The following CSMD1 variants were observed in gnomAD, a reference collection of about 807,000 sequenced individuals.
CSMD1 encodes the protein CUB and Sushi multiple domains 1.
Under a neutral mutation model 417.5 loss-of-function variants are expected in CSMD1, and 213 were observed. That is an observed-to-expected ratio of 0.51 (90% CI 0.46 to 0.57). The LOEUF is 0.57. Ranked by LOEUF, CSMD1 falls within the 20% of genes least tolerant of loss-of-function variation. The pLI, the probability that CSMD1 is intolerant of heterozygous loss-of-function variation, is 0.00. For synonymous variants in CSMD1, 2,862 were observed against 1,736.8 expected (o/e 1.65, Z -16.11); for missense variants, 6,923 against 4,529.7 (o/e 1.53, Z -15.17).
chr8:3,880,041 G>A (rs906577488), intron 5 of CSMD1, among the ~76,000 whole-genome samples: 4 of 146,210 alleles, frequency 2.7e-5, no homozygotes, highest in Admixed American at 2.7e-4. Flanking sequence ...AATCCTCGAA[G>A]ATTATAAAAG....
intron 1 of CSMD1, among the ~76,000 whole-genome samples, chr8:4,739,352 C>T (rs1307134649): frequency 1.3e-5 from 2 of 152,220 alleles, no homozygotes; most frequent in East Asian, 1.9e-4. Context: ...TTTTACCTTA[C>T]TGTAAACTTC....
chr8:3,819,584 G>A (rs576254744), intron 5 of CSMD1, among the ~76,000 whole-genome samples: 4 of 150,116 alleles, frequency 2.7e-5, no homozygotes, highest in African/African-American at 9.9e-5. Flanking sequence ...ACGCCAACAT[G>A]CGTAACATAT....
intron 2 of CSMD1, among the ~76,000 whole-genome samples, chr8:4,591,522 C>A (rs939857550): frequency 6.6e-6 from 1 of 152,080 alleles, no homozygotes; most frequent in Admixed American, 6.6e-5. Flanking sequence ...TGTGGTATAG[C>A]GTGATTACAG....
At chr8:3,225,868 T>A (rs897117534) in intron 27 of CSMD1, among the ~76,000 whole-genome samples, 15 of 152,168 alleles carry the variant, frequency 9.9e-5, no homozygotes, top group African/African-American at 3.6e-4. Context: ...TTAGATAGGA[T>A]TAGAATAGTA....
In CSMD1 at chr8:3,853,725, G is replaced by T. The variant is rs943280526; in HGVS notation, c.819-99683C>A. ...CTCAGTAAAGAAACCACCTCGGGGT[G>T]GGGGGAGCAGGGAAGGACAGCATTA... On this transcript the variant is annotated intron_variant, in intron 5 of 69. Transcript: ENST00000635120. 5.9e-5 allele frequency among the ~76,000 whole-genome samples: 9 copies of T among 151,810 alleles called. No homozygotes were observed. The South Asian group carries it at 6.2e-4, about 10-fold the overall frequency.
At chr8:4,362,159 T>C (rs1202686159) in intron 3 of CSMD1, among the ~76,000 whole-genome samples, 4 of 152,172 alleles carry the variant, frequency 2.6e-5, no homozygotes, top group Admixed American at 6.5e-5. Flanking sequence ...GGTAATTCAA[T>C]TTACATGAGT....
At chr8:3,875,022 G>C (rs978295603) in intron 5 of CSMD1, among the ~76,000 whole-genome samples, 2 of 152,166 alleles carry the variant, frequency 1.3e-5, no homozygotes, top group Admixed American at 6.5e-5. Context: ...ATGGATGCAA[G>C]CACAAAGGCT....
intron 26 of CSMD1, among the ~76,000 whole-genome samples, chr8:3,273,523 G>A (rs1398399386): frequency 6.6e-6 from 1 of 152,152 alleles, no homozygotes; most frequent in East Asian, 1.9e-4. Context: ...ATTCCTCCTT[G>A]TACCTCTGGT....
chr8:3,466,123 C>G (rs1226780355), intron 12 of CSMD1, among the ~76,000 whole-genome samples: 1 of 151,928 alleles, frequency 6.6e-6, no homozygotes, highest in Admixed American at 6.6e-5. Context: ...TTCTTAAGTT[C>G]TTACTCCATG....
Position 3,753,991 on chromosome 8 carries a change from T to A in CSMD1, c.870A>T (p.Leu290=). 1 of 1,613,414 alleles carries A rather than the reference T, an allele frequency of 6.2e-7. No individual in the cohort carries two copies. Among genetic ancestry groups the A allele is most frequent in the Non-Finnish European group, 8.5e-7 (1 of 1,179,560 alleles). Residue 290 remains leucine, a synonymous_variant, in exon 6 of 70, where the codon CTA becomes CTT. Transcript: ENST00000635120. ...TGCTGTCAGAGGTGAAATGGAGTCG[T>A]AGCCAATTCTTGCTACTGATAACTG... The part of the protein sequence containing the change: ...PSPVISSKNW[L]RLHFTSDSNH...
chr8:4,084,614 C>G (rs1382312282), intron 3 of CSMD1, among the ~76,000 whole-genome samples: 1 of 152,074 alleles, frequency 6.6e-6, no homozygotes, highest in African/African-American at 2.4e-5. Context: ...GAAAGCGAGC[C>G]TTCCAGAGTT....
At chr8:3,106,764 T>C in intron 45 of CSMD1, 123 bp from the exon 46 acceptor site, 3 of 541,936 alleles carry the variant, frequency 5.5e-6, no homozygotes, top group Middle Eastern at 2.8e-4. Context: ...AGAAACTATG[T>C]CTGTATTTAT....
rs369967487 is a variant in CSMD1 at position 2,966,682 on chromosome 8, C to T, written c.8988G>A (p.Leu2996=). 3 of 1,613,702 alleles carry T rather than the reference C, an allele frequency of 1.9e-6. No homozygotes were observed. Among genetic ancestry groups the T allele is most frequent in the African/African-American group, 2.7e-5 (2 of 74,906 alleles). Residue 2996 remains leucine (L), a synonymous_variant, in exon 58 of 70, where the codon CTG becomes CTA. Coordinates refer to ENST00000635120, the MANE Select transcript of CSMD1 (RefSeq NM_033225.6). Reference sequence around the variant, plus strand: ...AGGCATAGATGACCGAGCTGGAGAACAGAATGCCATCACTACTGACAATCA... The same window carrying T: ...AGGCATAGATGACCGAGCTGGAGAATAGAATGCCATCACTACTGACAATCA... The part of the protein sequence containing the change: ...NGMIVSSDGI[L]FSSSVIYACW...
At chr8:3,300,958 C>CAAAAAAAAAAAAAAAA (rs374180480) in intron 25 of CSMD1, among the ~76,000 whole-genome samples, 1 of 50,602 alleles carries the variant, frequency 2.0e-5, no homozygotes, top group Non-Finnish European at 3.6e-5. Flanking sequence ...GACTCTGTCT[C>CAAAAAAAAAAAAAAAA]AAAAAAAAAA....
chr8:3,972,672 C>G (rs1212264289), intron 5 of CSMD1, among the ~76,000 whole-genome samples: 1 of 152,146 alleles, frequency 6.6e-6, no homozygotes, highest in Non-Finnish European at 1.5e-5. Flanking sequence ...CAGATTATGA[C>G]CAGTGTTAGC....
intron 29 of CSMD1, among the ~76,000 whole-genome samples, chr8:3,217,374 C>A (rs886816725): frequency 6.6e-6 from 1 of 152,246 alleles, no homozygotes; most frequent in Non-Finnish European, 1.5e-5. Context: ...TTTCTTCATG[C>A]AACCTGTAAG....
chr8:3,263,203 A>G (rs1801204087), intron 26 of CSMD1, among the ~76,000 whole-genome samples: 1 of 152,124 alleles, frequency 6.6e-6, no homozygotes, highest in African/African-American at 2.4e-5. Context: ...GGTTCAAGCG[A>G]TTCTCCTGCC....
chr8:4,093,060 C>G (rs901094016), intron 3 of CSMD1, among the ~76,000 whole-genome samples: 1 of 152,102 alleles, frequency 6.6e-6, no homozygotes, highest in Non-Finnish European at 1.5e-5. Context: ...ATAGTTTGAA[C>G]AAGTTGTGTT....
intron 1 of CSMD1, among the ~76,000 whole-genome samples, chr8:4,674,540 G>C (rs1805552064): frequency 6.6e-6 from 1 of 152,110 alleles, no homozygotes; most frequent in African/African-American, 2.4e-5. Flanking sequence ...GGAGCAACTT[G>C]ACCATAATAG....
Sources: allele counts gnomAD v4.1 joint callset (sites outside exome capture counted in the v4.1 genomes callset), GRCh38; gene constraint gnomAD v4.1.1; transcripts MANE v1.5; gene names NCBI Gene and HGNC (gene_info 2026-07-23, HGNC 2026-07-21).